Variants in CRACR2A observed in about 807,000 individuals in gnomAD.
CRACR2A encodes EF-hand calcium-binding domain-containing protein 4B.
CRACR2A carries 79 observed loss-of-function variants against 90.5 expected under a neutral mutation model. The observed-to-expected ratio is 0.87, with a 90% CI of 0.73 to 1.05. The LOEUF (loss-of-function observed/expected upper bound fraction) is 1.05, where lower values mean the gene tolerates loss of function less well. Ranked by LOEUF, CRACR2A falls within the 50% of genes least tolerant of loss-of-function variation. The pLI is 0.00. For synonymous variants in CRACR2A, 338 were observed against 356.7 expected (o/e 0.95, Z 0.59); for missense variants, 823 against 897.2 (o/e 0.92, Z 1.06).
At chr12:3,748,558 G>A (rs924917477) in intron 1 of CRACR2A, among the ~76,000 whole-genome samples, 1 of 152,158 alleles carries the variant, frequency 6.6e-6, no homozygotes, top group African/African-American at 2.4e-5. Flanking sequence ...GCTGGAAGAG[G>A]CCCTGGAGAT....
chr12:3,728,062 C>T (rs1010895375), intron 2 of CRACR2A: 6 of 152,180 alleles, frequency 3.9e-5, no homozygotes, highest in African/African-American at 9.7e-5. Flanking sequence ...GCTGCCAGCA[C>T]AGAGCAGCAC....
chr12:3,680,269 A>T lies in CRACR2A; in HGVS notation c.309T>A (p.Tyr103Ter). The T allele has an allele frequency of 6.2e-7, 1 of 1,614,212 alleles. No homozygotes were observed. Among genetic ancestry groups the T allele is most frequent in the South Asian group, 1.1e-5 (1 of 91,082 alleles). The change falls in exon 5 of 20, where the codon TAT (tyrosine) becomes TAA (stop). Residue 103 changes from tyrosine to a stop codon, truncating the protein, a stop_gained. Transcript: ENST00000440314. LOFTEE classifies it high-confidence loss of function. ...FDALDADGNG[Y>*]LTPQEFTTGF... ...CAGTAGTGAACTCCTGTGGGGTCAG[A>T]TAGCCATTGCCATCAGCATCCAGGG...
At chr12:3,674,904 T>C (rs1381714588) in intron 6 of CRACR2A, among the ~76,000 whole-genome samples, 1 of 152,356 alleles carries the variant, frequency 6.6e-6, no homozygotes, top group African/African-American at 2.4e-5. Flanking sequence ...GTCCTTCACC[T>C]CCTTCCATCC....
chr12:3,689,771 C>T lies in CRACR2A; in HGVS notation c.228+7001G>A, dbSNP rs537039676. Reference sequence around the variant, plus strand: ...TTAATAGTTTCGGTAGGAATGGTACCAGCTTTTCTTTTTTTTTTTGGTTGG... The same window carrying T: ...TTAATAGTTTCGGTAGGAATGGTACTAGCTTTTCTTTTTTTTTTTGGTTGG... On this transcript the variant is annotated intron_variant, in intron 4 of 19. Transcript: ENST00000440314. 2.5e-4 allele frequency among the ~76,000 whole-genome samples: 31 copies of T among 123,286 alleles called. No individual in the cohort carries two copies. The South Asian group carries it at 6.4e-3, about 25-fold the overall frequency. 80.9% of individuals were successfully genotyped at this position (123,286 alleles called of 152,430 possible).
rs1196682794 is a variant in CRACR2A at position 3,654,342 on chromosome 12, T to C, written c.916A>G (p.Thr306Ala). 6.2e-7 allele frequency: 1 copy of C among 1,613,766 alleles called. No homozygotes were observed. Among genetic ancestry groups the C allele is most frequent in the African/African-American group, 1.3e-5 (1 of 74,880 alleles). Reference protein sequence around the residue: ...HDKHETKAENTKLKLTNQELA... With the variant: ...HDKHETKAENAKLKLTNQELA... ...TCCTGGTTAGTGAGTTTCAGCTTGGTATTCTCAGCCTTGGTCTCATGCTTG... is the reference window on the plus strand; with the variant it reads ...TCCTGGTTAGTGAGTTTCAGCTTGGCATTCTCAGCCTTGGTCTCATGCTTG... The change falls in exon 10 of 20, where the codon ACC becomes GCC. Residue 306 changes from threonine (T) to alanine (A), a missense_variant. Coordinates refer to ENST00000440314, the MANE Select transcript of CRACR2A (RefSeq NM_001144958.2).
intron 17 of CRACR2A, among the ~76,000 whole-genome samples, chr12:3,621,844 T>C (rs1474160677): frequency 6.6e-6 from 1 of 151,836 alleles, no homozygotes; most frequent in Non-Finnish European, 1.5e-5. Context: ...GACCCTGGCC[T>C]GCCACCGATA....
chr12:3,744,774 G>T (rs1946583906), intron 1 of CRACR2A, among the ~76,000 whole-genome samples: 1 of 152,154 alleles, frequency 6.6e-6, no homozygotes, highest in African/African-American at 2.4e-5. Context: ...TGAGGCCATT[G>T]TGCAGAGAGC....
intron 7 of CRACR2A, among the ~76,000 whole-genome samples, chr12:3,663,099 T>C (rs1945067409): frequency 6.6e-6 from 1 of 152,182 alleles, no homozygotes; most frequent in East Asian, 1.9e-4. Context: ...AACTGTTTCA[T>C]TTGGGTTCAT....
intron 7 of CRACR2A, among the ~76,000 whole-genome samples, chr12:3,671,141 T>G (rs1945234476): frequency 2.0e-5 from 3 of 152,144 alleles, no homozygotes; most frequent in Admixed American, 6.5e-5. Context: ...GGGGTACTTG[T>G]TTCTTCCTGC....
In CRACR2A at chr12:3,648,253, G is replaced by A. The variant is rs759183346; in HGVS notation, c.1118+289C>T. The A allele has an allele frequency of 2.0e-4, 257 of 1,298,236 alleles. 2 individuals are homozygous for A. The highest frequency in any genetic ancestry group is 2.4e-4 in the Non-Finnish European group (246 of 1,019,806). The allele number at this position is 1,298,236 out of a possible 1,614,324, so 80.4% of individuals were successfully genotyped here. On this transcript the variant is annotated intron_variant, in intron 11 of 19. Transcript: ENST00000440314. The stretch of plus-strand genomic sequence containing the variant: ...ATGCTCATTAAACCCAGCTCTGCTC[G>A]CATGAGATCAAGTACCAAGCACAGT...
At chr12:3,661,787 T>C (rs370133294) in intron 7 of CRACR2A, among the ~76,000 whole-genome samples, 61 of 152,326 alleles carry the variant, frequency 4.0e-4, no homozygotes, top group African/African-American at 1.1e-3. Flanking sequence ...ATTCCAGCTA[T>C]ATAAATACGG....
chr12:3,677,283 C>T (rs775257520), intron 6 of CRACR2A, among the ~76,000 whole-genome samples: 2 of 152,338 alleles, frequency 1.3e-5, no homozygotes, highest in Admixed American at 6.5e-5. Context: ...GTCTCACAGC[C>T]GTGAATGTTT....
At chr12:3,719,814 A>T (rs1280997552) in intron 2 of CRACR2A, among the ~76,000 whole-genome samples, 1 of 152,098 alleles carries the variant, frequency 6.6e-6, no homozygotes, top group Non-Finnish European at 1.5e-5. Context: ...AATTTCCTAC[A>T]TTTTTTATAA....
chr12:3,616,197 C>T (rs1298392391), intron 19 of CRACR2A, among the ~76,000 whole-genome samples: 1 of 152,208 alleles, frequency 6.6e-6, no homozygotes, highest in Non-Finnish European at 1.5e-5. Flanking sequence ...TATAACCTCG[C>T]CAATGCATAG....
At chr12:3,657,660 C>T (rs147491467) in intron 8 of CRACR2A, among the ~76,000 whole-genome samples, 18 of 152,354 alleles carry the variant, frequency 1.2e-4, no homozygotes, top group Non-Finnish European at 1.6e-4. Context: ...CTGCTCCCAA[C>T]ATTTGCTTCC....
chr12:3,617,376 G>A (rs1021612569), intron 18 of CRACR2A, among the ~76,000 whole-genome samples: 1 of 152,216 alleles, frequency 6.6e-6, no homozygotes. Flanking sequence ...AAGACACAAA[G>A]GCCAGGGTGG....
intron 15 of CRACR2A, among the ~76,000 whole-genome samples, chr12:3,630,418 AG>A (rs1177924190): frequency 6.6e-6 from 1 of 152,064 alleles, no homozygotes; most frequent in Non-Finnish European, 1.5e-5. Context: ...GAAATACCCT[AG>A]GGGGCTGCTG....
intron 10 of CRACR2A, among the ~76,000 whole-genome samples, chr12:3,651,379 A>C (rs943953212): frequency 1.3e-5 from 2 of 152,258 alleles, no homozygotes; most frequent in Admixed American, 1.3e-4. Flanking sequence ...AGTGGATCTG[A>C]TGACTGCAGA....
At chr12:3,749,745 A>C (rs2137935099) in intron 1 of CRACR2A, among the ~76,000 whole-genome samples, 1 of 151,734 alleles carries the variant, frequency 6.6e-6, no homozygotes, top group East Asian at 1.9e-4. Flanking sequence ...CAATAGATGG[A>C]TGAGTGGAAC....
Sources: allele counts gnomAD v4.1 joint callset (sites outside exome capture counted in the v4.1 genomes callset), GRCh38; gene constraint gnomAD v4.1.1; transcripts MANE v1.5; gene names NCBI Gene and HGNC (gene_info 2026-07-23, HGNC 2026-07-21).